The following ZDHHC2 variants were observed in gnomAD, a reference collection of about 807,000 sequenced individuals.
ZDHHC2 encodes the protein zDHHC palmitoyltransferase 2, also known as palmitoyltransferase ZDHHC2.
Under a neutral mutation model 55.6 loss-of-function variants are expected in ZDHHC2, and 51 were observed. The ratio of observed to expected loss-of-function variants is 0.92; its 90% CI spans 0.73 to 1.16. The LOEUF (loss-of-function observed/expected upper bound fraction) is 1.16. Among genes scored for constraint, ZDHHC2 ranks in the 50% most tolerant of loss-of-function variants. The pLI, the probability that ZDHHC2 is intolerant of heterozygous loss-of-function variation, is 0.00. For synonymous variants in ZDHHC2, 199 were observed against 152.9 expected (o/e 1.30, Z -2.22); for missense variants, 491 against 442.4 (o/e 1.11, Z -0.99).
At chr8:17,220,122 C>T (rs995285408) in intron 12 of ZDHHC2, 134 bp from the exon 13 acceptor site, 1 of 152,040 alleles carries the variant, frequency 6.6e-6, no homozygotes, top group African/African-American at 2.4e-5. Flanking sequence ...TTCAAGAGCA[C>T]GTCTACTGAG....
chr8:17,215,742 T>C (rs2150950187), intron 11 of ZDHHC2, among the ~76,000 whole-genome samples: 1 of 152,356 alleles, frequency 6.6e-6, no homozygotes, highest in African/African-American at 2.4e-5. Flanking sequence ...CCAAGATTTC[T>C]GTCCAATTTC....
chr8:17,159,220 A>G (rs1057371434), intron 1 of ZDHHC2, among the ~76,000 whole-genome samples: 5 of 152,174 alleles, frequency 3.3e-5, no homozygotes, highest in African/African-American at 9.6e-5. Context: ...CCCTACCCCC[A>G]GTATTAATCA....
chr8:17,156,748 A>G lies in ZDHHC2; in HGVS notation c.25A>G (p.Ser9Gly), dbSNP rs1338548037. The change falls in exon 1 of 13, where the codon AGC (serine) becomes GGC (glycine). Residue 9 changes from serine to glycine, a missense_variant. Physicochemically the swap from Ser to Gly is moderately conservative, Grantham distance 56. Transcript: ENST00000262096. Reference sequence around the variant, plus strand: ...GATGGCGCCCTCGGGCCCGGGCAGCAGCGCCAGGCGGCGGTGCCGGCGGGT... The same window carrying G: ...GATGGCGCCCTCGGGCCCGGGCAGCGGCGCCAGGCGGCGGTGCCGGCGGGT... The part of the protein sequence containing the change: MAPSGPGS[S>G]ARRRCRRVLY... 2.0e-6 allele frequency: 3 copies of G among 1,494,550 alleles called. No individual in the cohort carries two copies. The African/African-American group carries it at 4.4e-5, about 22-fold the overall frequency. 92.6% of individuals were successfully genotyped at this position (1,494,550 alleles called of 1,614,324 possible).
At chr8:17,197,990 T>C (rs1198029641) in intron 5 of ZDHHC2, among the ~76,000 whole-genome samples, 1 of 152,222 alleles carries the variant, frequency 6.6e-6, no homozygotes, top group Admixed American at 6.5e-5. Flanking sequence ...TTGTTATATA[T>C]TTAATATACT....
At chr8:17,179,563 C>G (rs1805329130) in intron 1 of ZDHHC2, among the ~76,000 whole-genome samples, 2 of 152,062 alleles carry the variant, frequency 1.3e-5, no homozygotes, top group Admixed American at 6.5e-5. Context: ...GCAGTGCCAC[C>G]ACACCCAGCT....
In ZDHHC2 at chr8:17,222,238, A is replaced by G. The variant is rs987068805; in HGVS notation, c.*2017A>G. 8 of 151,714 alleles carry G rather than the reference A, an allele frequency of 5.3e-5. No individual in the cohort carries two copies. Among genetic ancestry groups the G allele is most frequent in the African/African-American group, 1.7e-4 (7 of 41,414 alleles). The allele number at this position is 151,714 out of a possible 1,614,324, so 9.4% of individuals were successfully genotyped here. A position where few individuals can be genotyped will look rare whatever the true frequency, so the allele number is the denominator to read the frequency against. ...GTAATTGTTCCCTTTCTGTTTTCAT[A>G]TAGTGAATAACCTTTAAAGGGTTGT... On this transcript the variant is annotated 3_prime_UTR_variant, in exon 13 of 13. Transcript: ENST00000262096.
intron 10 of ZDHHC2, among the ~76,000 whole-genome samples, chr8:17,211,358 C>G (rs1807378789): frequency 6.6e-6 from 1 of 152,176 alleles, no homozygotes; most frequent in Non-Finnish European, 1.5e-5. Context: ...CACACCAACA[C>G]TCCATATTGA....
At chr8:17,211,211 A>C (rs17124238) in intron 10 of ZDHHC2, among the ~76,000 whole-genome samples, 14,191 of 152,164 alleles carry the variant, frequency 0.093, 1,448 homozygotes, top group African/African-American at 0.25. Flanking sequence ...CAGTTTTTAT[A>C]CCTTTGTGAC....
rs531403044 is a variant in ZDHHC2, at chr8:17,195,431, G to A, written c.253-73G>A. On this transcript the variant is annotated intron_variant, in intron 3 of 12. Coordinates refer to ENST00000262096, the MANE Select transcript of ZDHHC2 (RefSeq NM_016353.5). The stretch of plus-strand genomic sequence containing the variant: ...TAATATTTTATAAATACCCTTTTCC[G>A]GGTATGGTAGAGAAGACCAATATGT... 1.0e-4 allele frequency: 149 copies of A among 1,479,128 alleles called. No homozygotes were observed. In the South Asian group the frequency reaches 1.3e-3, roughly 13 times the overall value. 91.6% of individuals were successfully genotyped at this position (1,479,128 alleles called of 1,614,324 possible). A position where few individuals can be genotyped will look rare whatever the true frequency, so the allele number is the denominator to read the frequency against.
At chr8:17,195,058 A>T (rs1486926183) in intron 3 of ZDHHC2, among the ~76,000 whole-genome samples, 1 of 152,222 alleles carries the variant, frequency 6.6e-6, no homozygotes, top group African/African-American at 2.4e-5. Context: ...TTATGTAAGG[A>T]TTATCCCTAA....
Position 17,208,107 on chromosome 8 carries a change from A to G in ZDHHC2, c.730+15A>G. ...ATCTACATTAGGTGAGTATCCAATTATTGTAGTTGACAGAACTTTAAATAC... is the reference window on the plus strand; with the variant it reads ...ATCTACATTAGGTGAGTATCCAATTGTTGTAGTTGACAGAACTTTAAATAC... On this transcript the variant is annotated intron_variant, in intron 8 of 12. Transcript: ENST00000262096. The G allele has an allele frequency of 6.5e-7, 1 of 1,542,232 alleles. No homozygotes were observed. Among genetic ancestry groups the G allele is most frequent in the Non-Finnish European group, 8.8e-7 (1 of 1,141,282 alleles).
intron 8 of ZDHHC2, among the ~76,000 whole-genome samples, chr8:17,209,497 A>G (rs1807266767): frequency 6.6e-6 from 1 of 152,176 alleles, no homozygotes; most frequent in Admixed American, 6.5e-5. Context: ...AAAAATAAAC[A>G]AATGGATTTA....
intron 1 of ZDHHC2, among the ~76,000 whole-genome samples, chr8:17,173,896 C>T (rs760224799): frequency 2.0e-4 from 30 of 151,944 alleles, no homozygotes; most frequent in Non-Finnish European, 3.5e-4. Context: ...TAAGTTAAAA[C>T]GAAGTCACCA....
chr8:17,157,583 A>T (rs982025665), intron 1 of ZDHHC2: 2 of 152,240 alleles, frequency 1.3e-5, no homozygotes, highest in Non-Finnish European at 2.9e-5. Context: ...GGTGGGTAGG[A>T]TACTTTTAAT....
In ZDHHC2 at chr8:17,210,391, A is replaced by G. The variant is rs1807316130; in HGVS notation, c.861A>G (p.Leu287=). The G allele has an allele frequency of 1.9e-6, 3 of 1,612,824 alleles. No homozygotes were observed. The African/African-American group carries it at 4.0e-5, about 22-fold the overall frequency. ...KYWLLPIFSS[L]GDGCSFPTCL... ...TAAATTTTTATTTTAATTCTAGTCT[A>G]GGTGATGGCTGCTCCTTTCCAACTT... The change falls in exon 10 of 13, where the codon CTA becomes CTG. Residue 287 remains leucine, a synonymous_variant. Coordinates refer to ENST00000262096, the MANE Select transcript of ZDHHC2 (RefSeq NM_016353.5).
chr8:17,191,007 G>A (rs1485372905), intron 3 of ZDHHC2, among the ~76,000 whole-genome samples: 1 of 127,490 alleles, frequency 7.8e-6, no homozygotes, highest in Non-Finnish European at 1.6e-5. Context: ...TGTCACCCAG[G>A]CTGGAGTGCA....
intron 1 of ZDHHC2, among the ~76,000 whole-genome samples, chr8:17,164,615 T>C (rs1443489975): frequency 6.6e-6 from 1 of 152,136 alleles, no homozygotes; most frequent in East Asian, 1.9e-4. Context: ...AAAACCTTTT[T>C]CTCTAATTCT....
At chr8:17,166,326 GAAA>G (rs1284753035) in intron 1 of ZDHHC2, among the ~76,000 whole-genome samples, 1 of 152,194 alleles carries the variant, frequency 6.6e-6, no homozygotes, top group Non-Finnish European at 1.5e-5. Context: ...GTGTAAGAAA[GAAA>G]GGAGTCAAAA....
intron 3 of ZDHHC2, among the ~76,000 whole-genome samples, chr8:17,191,948 CA>C (rs1806052819): frequency 6.6e-6 from 1 of 152,114 alleles, no homozygotes; most frequent in Non-Finnish European, 1.5e-5. Context: ...CCCTTTTCTC[CA>C]CCATCTCACC....
Sources: gnomAD v4.1 joint callset for allele counts (sites outside exome capture counted in the v4.1 genomes callset) on GRCh38, gnomAD v4.1.1 for gene constraint, MANE v1.5 for transcripts, NCBI Gene and HGNC (gene_info 2026-07-23, HGNC 2026-07-21) for gene names.